The following CREBBP variants were observed in gnomAD, a reference collection of about 807,000 sequenced individuals.
The protein encoded by CREBBP is CREB-binding protein.
In CREBBP, 19 loss-of-function variants were observed where a neutral mutation model predicts 265.0. The ratio of observed to expected loss-of-function variants is 0.07; its 90% CI spans 0.05 to 0.11. CREBBP has a LOEUF of 0.11. Among genes scored for constraint, CREBBP ranks in the 10% least tolerant of loss-of-function variants. CREBBP has a pLI of 1.00. For missense variants in CREBBP, 2,525 were observed against 3,219.0 expected (o/e 0.78, Z 5.22); for synonymous variants, 1,457 against 1,223.7 (o/e 1.19, Z -3.98).
chr16:3,870,989 G>T (rs2055281707), intron 1 of CREBBP, among the ~76,000 whole-genome samples: 1 of 147,338 alleles, frequency 6.8e-6, no homozygotes, highest in African/African-American at 2.5e-5. Context: ...CCATTGGAAA[G>T]AAGAAAAGTA....
At chr16:3,862,912 C>T (rs2055106627) in intron 1 of CREBBP, among the ~76,000 whole-genome samples, 1 of 152,178 alleles carries the variant, frequency 6.6e-6, no homozygotes, top group Non-Finnish European at 1.5e-5. Flanking sequence ...GACAAATATT[C>T]TTCATGTCAC....
intron 2 of CREBBP, among the ~76,000 whole-genome samples, chr16:3,846,399 TTATC>T (rs1474679321): frequency 6.6e-6 from 1 of 152,204 alleles, no homozygotes; most frequent in Non-Finnish European, 1.5e-5. Context: ...GTATCTGAGA[TTATC>T]TATGCTGATT....
intron 5 of CREBBP, among the ~76,000 whole-genome samples, chr16:3,786,297 T>C (rs575798483): frequency 3.3e-5 from 5 of 152,028 alleles, no homozygotes; most frequent in African/African-American, 9.7e-5. Flanking sequence ...ACCTAGGAGG[T>C]AGAAGTTGCA....
chr16:3,785,735 C>T (rs1331824335), intron 5 of CREBBP, among the ~76,000 whole-genome samples: 1 of 152,196 alleles, frequency 6.6e-6, no homozygotes, highest in Non-Finnish European at 1.5e-5. Context: ...TGCCACTTAA[C>T]TTCTTCCAAT....
intron 3 of CREBBP, among the ~76,000 whole-genome samples, chr16:3,799,307 G>A (rs1215306891): frequency 6.6e-6 from 1 of 152,100 alleles, no homozygotes; most frequent in Non-Finnish European, 1.5e-5. Context: ...GGACTATATG[G>A]TACATGAATT....
Position 3,842,276 on chromosome 16 carries a change from G to A in CREBBP, c.798+8021C>T, listed in dbSNP as rs1274260040. Among the ~76,000 whole-genome samples, 4 of 152,202 alleles carry A rather than the reference G, an allele frequency of 2.6e-5. No homozygotes were observed. In the East Asian group the frequency reaches 5.8e-4, roughly 22 times the overall value. ...AGAATGCCTCCGGACCCCTTGACCCGAAATTACACCTTCCTCTTTCTACCA... is the reference window on the plus strand; with the variant it reads ...AGAATGCCTCCGGACCCCTTGACCCAAAATTACACCTTCCTCTTTCTACCA... On this transcript the variant is annotated intron_variant, in intron 2 of 30. Coordinates refer to ENST00000262367, the MANE Select transcript of CREBBP (RefSeq NM_004380.3).
Position 3,762,610 on chromosome 16 carries a change from C to T in CREBBP, c.3251-3638G>A, listed in dbSNP as rs529083386. ...TCCTCTGGCCCGAGGACCTGCTCCA[C>T]GCGGCAGGGCTGTTGCAGCGCACCA... is the stretch of plus-strand genomic sequence containing the variant. On this transcript the variant is annotated intron_variant, in intron 16 of 30. Coordinates refer to ENST00000262367, the MANE Select transcript of CREBBP (RefSeq NM_004380.3). 4.6e-5 allele frequency among the ~76,000 whole-genome samples: 7 copies of T among 152,238 alleles called. No homozygotes were observed. In the South Asian group the frequency reaches 8.3e-4, roughly 18 times the overall value.
At chr16:3,757,413 T>C in intron 18 of CREBBP, 37 bp from the exon 19 acceptor site, 1 of 1,478,968 alleles carries the variant, frequency 6.8e-7, no homozygotes, top group Non-Finnish European at 9.3e-7. Flanking sequence ...TATATAAAAA[T>C]ACATTCCATT....
chr16:3,768,136 GTTTTTTTTTT>G lies in CREBBP; in HGVS notation c.3061-237_3061-228del, dbSNP rs71133655. The stretch of plus-strand genomic sequence containing the variant: ...CAATTATGGTCCTAAATTTAAAAGT[GTTTTTTTTTT>G]TTTTTTTTTTTTTTTTTTTTTTTGA... On this transcript the variant is annotated intron_variant, in intron 15 of 30. Transcript: ENST00000262367. Among the ~76,000 whole-genome samples the G allele has an allele frequency of 4.9e-3, 252 of 51,598 alleles. 1 individual carries two copies. Among genetic ancestry groups the G allele is most frequent in the African/African-American group, 0.012 (173 of 15,014 alleles). 33.9% of individuals were successfully genotyped at this position (51,598 alleles called of 152,430 possible). A position where few individuals can be genotyped will look rare whatever the true frequency, so the allele number is the denominator to read the frequency against.
chr16:3,874,454 G>T (rs2055359687), intron 1 of CREBBP, among the ~76,000 whole-genome samples: 1 of 152,208 alleles, frequency 6.6e-6, no homozygotes, highest in South Asian at 2.1e-4. Context: ...CATGGGCGAA[G>T]TCCTCAGATG....
chr16:3,728,214 C>A lies in CREBBP; in HGVS notation c.6833G>T (p.Gly2278Val), dbSNP rs2151301129. The A allele has an allele frequency of 1.2e-6, 2 of 1,613,656 alleles. No homozygotes were observed. Among genetic ancestry groups the A allele is most frequent in the Non-Finnish European group, 1.7e-6 (2 of 1,179,996 alleles). The change falls in exon 31 of 31, where the codon GGG becomes GTG. Residue 2278 changes from glycine (G) to valine (V), a missense_variant. Coordinates refer to ENST00000262367, the MANE Select transcript of CREBBP (RefSeq NM_004380.3). This position sits in a 1 kb window ranked among gnomAD's most constrained non-coding sequence, Gnocchi z 8.7. ...GTTGGGGGTGCTGTCTGCCCCCAGC[C>A]CCGGCTGCCCCATCTGGCCAAGCTG... Reference protein sequence around the residue: ...MGQLGQMGQPGLGADSTPNIQ... With the variant: ...MGQLGQMGQPVLGADSTPNIQ...
At position 3,793,571 on chromosome 16, in the gene CREBBP, G is replaced by T. The variant is rs2141286184; in HGVS notation, c.1031C>A (p.Pro344His). ...IVPTQAIATG[P>H]TADPEKRKLI... ...TTTGCGTTTTTCAGGATCTGCAGTG[G>T]GGCCTGTTGCAATTGCTTGTGTGGG... Residue 344 changes from proline (P) to histidine (H), a missense_variant, in exon 4 of 31, where the codon CCC becomes CAC. This residue lies in a region of CREBBP where 126 missense variants were observed against 171.9 expected (regional missense o/e 0.73). Transcript: ENST00000262367. The T allele has an allele frequency of 6.2e-7, 1 of 1,613,946 alleles. No individual in the cohort carries two copies. Among genetic ancestry groups the T allele is most frequent in the Middle Eastern group, 1.7e-4 (1 of 5,902 alleles).
rs1351923169 is a variant in CREBBP, at chr16:3,731,101, C to T, written c.5172+91G>A. 3 of 1,380,884 alleles carry T rather than the reference C, an allele frequency of 2.2e-6. No homozygotes were observed. Among genetic ancestry groups the T allele is most frequent in the African/African-American group, 2.8e-5 (2 of 70,874 alleles). 85.5% of individuals were successfully genotyped at this position (1,380,884 alleles called of 1,614,324 possible). Reference sequence around the variant, plus strand: ...GAGTCAGTGCAGCCACCATCAGGTACAGACACCAACCCGGGCACCCATGCA... The same window carrying T: ...GAGTCAGTGCAGCCACCATCAGGTATAGACACCAACCCGGGCACCCATGCA... On this transcript the variant is annotated intron_variant, in intron 30 of 30. Coordinates refer to ENST00000262367, the MANE Select transcript of CREBBP (RefSeq NM_004380.3). This position sits in a 1 kb window ranked among gnomAD's most constrained non-coding sequence, Gnocchi z 7.7.
intron 13 of CREBBP, among the ~76,000 whole-genome samples, chr16:3,771,812 T>C (rs1010771421): frequency 3.3e-5 from 5 of 150,602 alleles, no homozygotes; most frequent in Non-Finnish European, 7.4e-5. Context: ...CTTTTTTTTT[T>C]TTTTTTTAAA....
intron 21 of CREBBP, among the ~76,000 whole-genome samples, chr16:3,747,549 G>A (rs1183511660): frequency 6.6e-6 from 1 of 152,208 alleles, no homozygotes; most frequent in African/African-American, 2.4e-5. Context: ...TGCAGGCTGT[G>A]CCATTACCCA....
At chr16:3,813,195 T>C (rs1202808697) in intron 2 of CREBBP, 1 of 228,308 alleles carries the variant, frequency 4.4e-6, no homozygotes, top group Non-Finnish European at 8.7e-6. Context: ...CATACGCAGG[T>C]GATTTCCTTC....
In CREBBP at chr16:3,728,347, G is replaced by A. The variant is rs759823393; in HGVS notation, c.6700C>T (p.Pro2234Ser). ...GMAGHGQFQQ[P>S]QGPGGYPPAM... ...GGTGGGTAGCCTCCGGGTCCTTGAG[G>A]CTGCTGGAACTGGCCGTGCCCCGCC... is the stretch of plus-strand genomic sequence containing the variant. Residue 2234 changes from proline (P) to serine (S), a missense_variant, in exon 31 of 31, where the codon CCT becomes TCT. By Grantham distance (74) the Pro-to-Ser change is moderately conservative. Transcript: ENST00000262367. The surrounding 1 kb of genome is among the most constrained non-coding windows in gnomAD (Gnocchi z 8.7). The A allele has an allele frequency of 9.3e-6, 15 of 1,611,946 alleles. No individual in the cohort carries two copies. Among genetic ancestry groups the A allele is most frequent in the Middle Eastern group, 1.7e-4 (1 of 5,866 alleles).
At chr16:3,793,689 A>T in intron 3 of CREBBP, 63 bp from the exon 4 acceptor site, 1 of 1,567,904 alleles carries the variant, frequency 6.4e-7, no homozygotes, top group Non-Finnish European at 8.7e-7. Flanking sequence ...ATATTCATTA[A>T]TTATTTCTCA....
chr16:3,796,372 C>G (rs2053608492), intron 3 of CREBBP, among the ~76,000 whole-genome samples: 1 of 151,798 alleles, frequency 6.6e-6, no homozygotes, highest in Non-Finnish European at 1.5e-5. Flanking sequence ...TGTGGTGCCA[C>G]CTAACTGGCT....
Sources: allele counts gnomAD v4.1 joint callset (sites outside exome capture counted in the v4.1 genomes callset), GRCh38; gene constraint gnomAD v4.1.1; regional missense constraint gnomAD v4.1.1; non-coding constraint Gnocchi (gnomAD v3.1); transcripts MANE v1.5; gene names NCBI Gene and HGNC (gene_info 2026-07-23, HGNC 2026-07-21).